The following MXRA7 variants were observed in gnomAD, a reference collection of about 807,000 sequenced individuals.
The protein encoded by MXRA7 is matrix-remodeling-associated protein 7.
MXRA7 carries 18 observed loss-of-function variants against 17.4 expected under a neutral mutation model. The ratio of observed to expected loss-of-function variants is 1.03; its 90% CI spans 0.71 to 1.53. The LOEUF (loss-of-function observed/expected upper bound fraction) is 1.53. MXRA7 is among the 40% of genes most tolerant of loss of function. The pLI is 0.00. For missense variants in MXRA7, 141 were observed against 209.3 expected, an observed-to-expected ratio of 0.67 and a Z score of 2.01; for synonymous variants, 70 against 101.7, an observed-to-expected ratio of 0.69 and a Z score of 1.87.
chr17:76,696,979 TCATCA>T (rs2143652508), intron 1 of MXRA7, among the ~76,000 whole-genome samples: 1 of 152,292 alleles, frequency 6.6e-6, no homozygotes, highest in South Asian at 2.1e-4. Context: ...CCCAAGGCCA[TCATCA>T]CCGCGGAGTT....
downstream of MXRA7, chr17:76,677,465 T>A (rs1372258725): frequency 4.5e-6 from 3 of 661,628 alleles, no homozygotes; most frequent in Non-Finnish European, 8.1e-6. Flanking sequence ...ACCTATAGAA[T>A]GTACGCCTGC....
chr17:76,690,483 G>A (rs1400098549), intron 1 of MXRA7, among the ~76,000 whole-genome samples: 2 of 152,046 alleles, frequency 1.3e-5, no homozygotes, highest in East Asian at 3.9e-4. Context: ...GCTGAGGTGG[G>A]AGGGCTGCTT....
Position 76,683,994 on chromosome 17 carries a change from G to A in MXRA7, c.500+1078C>T, listed in dbSNP as rs112400888. On this transcript the variant is annotated intron_variant, in intron 3 of 3. Transcript: ENST00000449428. ...GCATCCTCAGCACCTGAGGACTCGGGGCTCCTGCCAGGGCTCTTCCTCCTG... is the reference window on the plus strand; with the variant it reads ...GCATCCTCAGCACCTGAGGACTCGGAGCTCCTGCCAGGGCTCTTCCTCCTG... 1.6e-5 allele frequency: 20 copies of A among 1,243,990 alleles called. No individual in the cohort carries two copies. The African/African-American group carries it at 1.8e-4, about 11-fold the overall frequency. 77.1% of individuals were successfully genotyped at this position (1,243,990 alleles called of 1,614,324 possible).
chr17:76,683,706 A>G (rs1406472828), intron 3 of MXRA7: 33 of 639,558 alleles, frequency 5.2e-5, no homozygotes, highest in Non-Finnish European at 1.1e-5. Flanking sequence ...GAGAAGAATG[A>G]GAAGGGCTCA....
At chr17:76,688,086 C>CCT (rs761620117) in intron 2 of MXRA7, 27 bp downstream of exon 2, 1 of 1,611,736 alleles carries the variant, frequency 6.2e-7, no homozygotes, top group East Asian at 2.2e-5. Context: ...TGTCAGGCCC[C>CCT]CTCATGAGCG....
intron 1 of MXRA7, among the ~76,000 whole-genome samples, chr17:76,692,439 G>C (rs1343522221): frequency 1.3e-5 from 2 of 152,002 alleles, no homozygotes; most frequent in Non-Finnish European, 2.9e-5. Context: ...TTTTAGTAGA[G>C]ATGGGGTTTC....
At chr17:76,683,934 T>C (rs1201615122) in intron 3 of MXRA7, 1 of 1,612,484 alleles carries the variant, frequency 6.2e-7, no homozygotes, top group Admixed American at 1.7e-5. Flanking sequence ...AATCCTGAAA[T>C]ATAAATGCAG....
chr17:76,685,159 C>T lies in MXRA7; in HGVS notation c.413G>A (p.Gly138Asp). Residue 138 changes from glycine to aspartate, a missense_variant, in exon 3 of 4, where the codon GGC becomes GAC. Coordinates refer to ENST00000449428, the MANE Select transcript of MXRA7 (RefSeq NM_198530.4). ...SEGPEEEDGE[G>D]FSFKYSPGKL... ...CCCGGGGCTGTATTTGAAGGAGAAG[C>T]CTTCTCCTGTGGAGGGGGGACCCAG... 1 of 1,613,254 alleles carries T rather than the reference C, an allele frequency of 6.2e-7. No individual in the cohort carries two copies. The highest frequency in any genetic ancestry group is 8.5e-7 in the Non-Finnish European group (1 of 1,179,288).
chr17:76,677,967 T>G (rs2076254908), downstream of MXRA7, among the ~76,000 whole-genome samples: 1 of 152,148 alleles, frequency 6.6e-6, no homozygotes, highest in Non-Finnish European at 1.5e-5. Flanking sequence ...AGGTATCACT[T>G]AGGTGCTCTG....
intron 1 of MXRA7, among the ~76,000 whole-genome samples, chr17:76,691,724 T>C (rs548510494): frequency 3.9e-5 from 6 of 152,266 alleles, no homozygotes; most frequent in Admixed American, 6.5e-5. Context: ...AGAAAAACAG[T>C]TGGTTTTTCT....
Position 76,680,766 on chromosome 17 carries a change from G to A in MXRA7, c.*101C>T, listed in dbSNP as rs552665666. 312 of 1,533,140 alleles carry A rather than the reference G, an allele frequency of 2.0e-4. 4 individuals are homozygous for A. The East Asian group carries it at 7.4e-3, about 37-fold the overall frequency. The allele number at this position is 1,533,140 out of a possible 1,614,324, so 95.0% of individuals were successfully genotyped here. Reference sequence around the variant, plus strand: ...GATTTATGGAGGCAGCATGCACCCTGGGAGCCTGCCCAGACTCCTCTCTGG... The same window carrying A: ...GATTTATGGAGGCAGCATGCACCCTAGGAGCCTGCCCAGACTCCTCTCTGG... On this transcript the variant is annotated 3_prime_UTR_variant, in exon 4 of 4. Coordinates refer to ENST00000449428, the MANE Select transcript of MXRA7 (RefSeq NM_198530.4).
Position 76,706,045 on chromosome 17 carries a change from T to C in MXRA7, c.342+4560A>G, listed in dbSNP as rs116320134. 3.1e-3 allele frequency among the ~76,000 whole-genome samples: 466 copies of C among 150,866 alleles called. 2 individuals are homozygous for C. Among genetic ancestry groups the C allele is most frequent in the African/African-American group, 0.01 (411 of 40,820 alleles). On this transcript the variant is annotated intron_variant, in intron 1 of 3. Transcript: ENST00000449428. ...GCCATCACGAAGGCCCACTCTGCTATCACAAAGGACCACACTGCCATCACA... is the reference window on the plus strand; with the variant it reads ...GCCATCACGAAGGCCCACTCTGCTACCACAAAGGACCACACTGCCATCACA...
intron 1 of MXRA7, among the ~76,000 whole-genome samples, chr17:76,699,199 C>T (rs2076567090): frequency 6.6e-6 from 1 of 152,146 alleles, no homozygotes; most frequent in African/African-American, 2.4e-5. Flanking sequence ...GGCTGGAGTG[C>T]AGTGGTGCAA....
chr17:76,683,155 G>A (rs1357125439), intron 3 of MXRA7, among the ~76,000 whole-genome samples: 1 of 152,186 alleles, frequency 6.6e-6, no homozygotes, highest in Non-Finnish European at 1.5e-5. Flanking sequence ...GCTGGCAGTT[G>A]TGTCCAGCCC....
chr17:76,689,551 G>A (rs2076453654), intron 1 of MXRA7: 1 of 152,246 alleles, frequency 6.6e-6, no homozygotes, highest in Non-Finnish European at 1.5e-5. Context: ...GCACAGCAAA[G>A]TATCTCTATG....
At chr17:76,703,632 T>TA (rs201433498) in intron 1 of MXRA7, 1 of 150,772 alleles carries the variant, frequency 6.6e-6, no homozygotes, top group Non-Finnish European at 1.5e-5. Flanking sequence ...TTTTTGTTTT[T>TA]TAAAGCCAGT....
In MXRA7 at chr17:76,688,108, C is replaced by T. The variant is rs770114401; in HGVS notation, c.406+5G>A. ...CCCCCTCATGAGCGCAGAGGTCCCACTCACCGTCCTCCTCCTCAGGCCCTT... is the reference window on the plus strand; with the variant it reads ...CCCCCTCATGAGCGCAGAGGTCCCATTCACCGTCCTCCTCCTCAGGCCCTT... On this transcript the variant is annotated splice_donor_5th_base_variant and intron_variant, in intron 2 of 3. Coordinates refer to ENST00000449428, the MANE Select transcript of MXRA7 (RefSeq NM_198530.4). The T allele has an allele frequency of 1.2e-6, 2 of 1,613,418 alleles. No individual in the cohort carries two copies. Among genetic ancestry groups the T allele is most frequent in the South Asian group, 2.2e-5 (2 of 91,036 alleles).
chr17:76,702,862 T>C (rs947769250), intron 1 of MXRA7, among the ~76,000 whole-genome samples: 2 of 149,090 alleles, frequency 1.3e-5, no homozygotes, highest in Non-Finnish European at 3.0e-5. Flanking sequence ...AAAATAAATA[T>C]ATATATATAC....
intron 2 of MXRA7, among the ~76,000 whole-genome samples, chr17:76,687,287 C>T (rs2143612981): frequency 6.6e-6 from 1 of 152,366 alleles, no homozygotes; most frequent in African/African-American, 2.4e-5. Flanking sequence ...GGAAGCTCTG[C>T]ACCCCAGCCC....
Sources: gnomAD v4.1 joint callset for allele counts (sites outside exome capture counted in the v4.1 genomes callset) on GRCh38, gnomAD v4.1.1 for gene constraint, MANE v1.5 for transcripts, NCBI Gene and HGNC (gene_info 2026-07-23, HGNC 2026-07-21) for gene names.